Variants in AFF3 observed in about 807,000 individuals in gnomAD.
AFF3 encodes the protein ALF transcription elongation factor 3, also known as AF4/FMR2 family member 3.
AFF3 carries 32 observed loss-of-function variants against 129.7 expected under a neutral mutation model. That is an observed-to-expected ratio of 0.25 (90% confidence interval 0.19 to 0.33). The LOEUF is 0.33. Among genes scored for constraint, AFF3 ranks in the 10% least tolerant of loss-of-function variants. The probability of loss-of-function intolerance (pLI) is 1.00; values close to 1 mark genes in which losing one functional copy is unlikely to be tolerated. For synonymous variants in AFF3, 644 were observed against 635.4 expected (o/e 1.01, Z -0.20); for missense variants, 1,373 against 1,592.0 (o/e 0.86, Z 2.34).
chr2:100,092,623 C>A (rs2576653), intron 4 of AFF3, among the ~76,000 whole-genome samples: 2 of 152,372 alleles, frequency 1.3e-5, no homozygotes, highest in South Asian at 2.1e-4. Context: ...CATTCCCAAC[C>A]TGAATGCCAG....
chr2:99,989,036 G>A (rs184873032), intron 7 of AFF3, among the ~76,000 whole-genome samples: 69 of 152,326 alleles, frequency 4.5e-4, no homozygotes, highest in African/African-American at 1.6e-3. Flanking sequence ...GATATGGAAT[G>A]ATGGGAGCAA....
chr2:99,713,199 C>T (rs1169293487), intron 11 of AFF3, among the ~76,000 whole-genome samples: 1 of 151,998 alleles, frequency 6.6e-6, no homozygotes, highest in African/African-American at 2.4e-5. Flanking sequence ...ATCCTTGATG[C>T]CACTGAACTG....
chr2:100,117,242 C>T (rs1383621367), intron 2 of AFF3, among the ~76,000 whole-genome samples: 2 of 152,156 alleles, frequency 1.3e-5, no homozygotes, highest in Non-Finnish European at 2.9e-5. Context: ...TCTCTTTCCT[C>T]TTCTTCTGAG....
At chr2:100,016,611 GTAATGGTGA>G (rs1683115166) in intron 4 of AFF3, among the ~76,000 whole-genome samples, 19 of 142,468 alleles carry the variant, frequency 1.3e-4, no homozygotes, top group African/African-American at 2.0e-4. Context: ...GGTAGTGGTG[GTAATGGTGA>G]TGGTGGTGGT....
chr2:100,092,936 G>C (rs1314632758), intron 4 of AFF3, among the ~76,000 whole-genome samples: 2 of 151,428 alleles, frequency 1.3e-5, no homozygotes, highest in African/African-American at 4.9e-5. Context: ...AACATATCAA[G>C]GGCTAGAAAT....
chr2:100,123,427 A>G (rs887343856), intron 2 of AFF3, among the ~76,000 whole-genome samples: 4 of 152,218 alleles, frequency 2.6e-5, no homozygotes, highest in African/African-American at 9.7e-5. Context: ...TTAACAAAAA[A>G]TAGAGCTAAT....
At chr2:99,706,457 G>A (rs1023917454) in intron 11 of AFF3, among the ~76,000 whole-genome samples, 1 of 152,218 alleles carries the variant, frequency 6.6e-6, no homozygotes, top group Admixed American at 6.5e-5. Context: ...ATTTCTCCAG[G>A]CAGCCAGGCT....
At chr2:99,764,552 TA>T (rs2105289241) in intron 8 of AFF3, among the ~76,000 whole-genome samples, 1 of 152,306 alleles carries the variant, frequency 6.6e-6, no homozygotes, top group African/African-American at 2.4e-5. Flanking sequence ...AATGAAACAT[TA>T]AAAAAATTTA....
chr2:99,636,785 G>T (rs957559692), intron 13 of AFF3, among the ~76,000 whole-genome samples: 1 of 152,132 alleles, frequency 6.6e-6, no homozygotes, highest in Non-Finnish European at 1.5e-5. Flanking sequence ...AGGTCAGGCC[G>T]CCCCAGTGAA....
At chr2:99,790,611 T>C (rs1202437829) in intron 8 of AFF3, among the ~76,000 whole-genome samples, 2 of 152,274 alleles carry the variant, frequency 1.3e-5, no homozygotes, top group East Asian at 1.9e-4. Context: ...ATATGTTTGG[T>C]TGTCATAACA....
At chr2:99,787,301 T>A (rs112877189) in intron 8 of AFF3, among the ~76,000 whole-genome samples, 3 of 152,020 alleles carry the variant, frequency 2.0e-5, no homozygotes, top group Non-Finnish European at 2.9e-5. Context: ...GGCTGGGGCA[T>A]AGACGGGAGA....
intron 7 of AFF3, among the ~76,000 whole-genome samples, chr2:99,996,527 A>ATTTTTTTTTTTTT (rs756231548): frequency 3.5e-5 from 4 of 114,086 alleles, no homozygotes; most frequent in African/African-American, 1.6e-4. Context: ...CGCCCGGCTA[A>ATTTTTTTTTTTTT]TTTTTTTTTT....
chr2:99,903,547 G>C (rs1208328561), intron 7 of AFF3, among the ~76,000 whole-genome samples: 1 of 151,942 alleles, frequency 6.6e-6, no homozygotes, highest in Non-Finnish European at 1.5e-5. Flanking sequence ...CAAGAAATTG[G>C]AATATCAATA....
intron 7 of AFF3, among the ~76,000 whole-genome samples, chr2:99,991,265 T>C (rs1680310900): frequency 6.6e-6 from 1 of 152,226 alleles, no homozygotes; most frequent in Admixed American, 6.5e-5. Context: ...AGTCAAGCCT[T>C]TCACACACTT....
intron 7 of AFF3, among the ~76,000 whole-genome samples, chr2:99,984,104 G>GTTTTAGTCTTTTATTTTA (rs1369242768): frequency 2.0e-5 from 3 of 152,126 alleles, no homozygotes; most frequent in African/African-American, 7.2e-5. Context: ...TTTTGCATTT[G>GTTTTAGTCTTTTATTTTA]TTTTAGTCTT....
chr2:99,602,125 C>G (rs548567557), intron 13 of AFF3, among the ~76,000 whole-genome samples: 3 of 152,212 alleles, frequency 2.0e-5, no homozygotes, highest in Non-Finnish European at 4.4e-5. Context: ...CTGCTCTGAG[C>G]TTTCATGACC....
rs528931120 is a variant in AFF3 at position 99,888,185 on chromosome 2, G to A, written c.874-50661C>T. The stretch of plus-strand genomic sequence containing the variant: ...ATACTTGGATGGAAAGGCACAACTC[G>A]AAAAATAAAACATTGTAAAACTTCA... On this transcript the variant is annotated intron_variant, in intron 7 of 24. Transcript: ENST00000672756. 2.8e-4 allele frequency among the ~76,000 whole-genome samples: 43 copies of A among 152,172 alleles called. No individual in the cohort carries two copies. The South Asian group carries it at 6.8e-3, about 24-fold the overall frequency.
At chr2:99,595,805 G>A (rs959071790) in intron 14 of AFF3, among the ~76,000 whole-genome samples, 1 of 152,186 alleles carries the variant, frequency 6.6e-6, no homozygotes, top group African/African-American at 2.4e-5. Flanking sequence ...GGGCCAGAAC[G>A]GGTTGGGGCC....
At chr2:100,004,053 A>G (rs1389597667) in intron 7 of AFF3, among the ~76,000 whole-genome samples, 2 of 151,854 alleles carry the variant, frequency 1.3e-5, no homozygotes, top group East Asian at 3.9e-4. Context: ...GAATGTACCT[A>G]TACGATGCCA....
Sources: allele counts gnomAD v4.1 joint callset (sites outside exome capture counted in the v4.1 genomes callset), GRCh38; gene constraint gnomAD v4.1.1; transcripts MANE v1.5; gene names NCBI Gene and HGNC (gene_info 2026-07-23, HGNC 2026-07-21).